Variants in JAKMIP2 observed in about 807,000 individuals in gnomAD.
JAKMIP2 encodes janus kinase and microtubule-interacting protein 2.
In JAKMIP2, 25 loss-of-function variants were observed where a neutral mutation model predicts 115.0. The ratio of observed to expected loss-of-function variants is 0.22; its 90% CI spans 0.16 to 0.30. The LOEUF (loss-of-function observed/expected upper bound fraction) is 0.30, where lower values mean the gene tolerates loss of function less well. Ranked by LOEUF, JAKMIP2 falls within the 10% of genes least tolerant of loss-of-function variation. The probability of loss-of-function intolerance (pLI) is 1.00; values close to 1 mark genes in which losing one functional copy is unlikely to be tolerated. For synonymous variants in JAKMIP2, 334 were observed against 343.6 expected, an observed-to-expected ratio of 0.97 and a Z score of 0.31; for missense variants, 642 against 957.6, an observed-to-expected ratio of 0.67 and a Z score of 4.35.
At chr5:147,702,591 AGAAAGAAAGAAG>A (rs1292651475) in intron 1 of JAKMIP2, among the ~76,000 whole-genome samples, 25 of 114,022 alleles carry the variant, frequency 2.2e-4, no homozygotes, top group Middle Eastern at 4.1e-3. Context: ...AAAGAAAGAA[AGAAAGAAAGAAG>A]GAAAGAAAGA....
intron 20 of JAKMIP2, among the ~76,000 whole-genome samples, chr5:147,604,170 G>C (rs1436007139): frequency 6.6e-6 from 1 of 152,136 alleles, no homozygotes; most frequent in African/African-American, 2.4e-5. Context: ...CAATCACTGG[G>C]AAATTTATTG....
rs541047841 is a variant in JAKMIP2 at position 147,769,950 on chromosome 5, T to G, written c.-149+12506A>C. Among the ~76,000 whole-genome samples, 61 of 152,284 alleles carry G rather than the reference T, an allele frequency of 4.0e-4. No homozygotes were observed. The Middle Eastern group carries it at 0.01, about 25-fold the overall frequency. On this transcript the variant is annotated intron_variant, in intron 1 of 21. Coordinates refer to ENST00000616793, the MANE Select transcript of JAKMIP2 (RefSeq NM_001270941.2). Reference sequence around the variant, plus strand: ...TTTTGTTAAAGATGTAAAATGCATTTTAGTAAATCTGGAAATCAGAGAACT... The same window carrying G: ...TTTTGTTAAAGATGTAAAATGCATTGTAGTAAATCTGGAAATCAGAGAACT...
At position 147,587,486 on chromosome 5, in the gene JAKMIP2, C is replaced by T. The variant is rs1399455075; in HGVS notation, c.*4221G>A. On this transcript the variant is annotated 3_prime_UTR_variant, in exon 22 of 22. Coordinates refer to ENST00000616793, the MANE Select transcript of JAKMIP2 (RefSeq NM_001270941.2). The stretch of plus-strand genomic sequence containing the variant: ...CACTCTTTGACAGATTGAAATAATG[C>T]AATTAAATATTTTAAAAATAAAATT... 1 of 151,710 alleles carries T rather than the reference C, an allele frequency of 6.6e-6. No homozygotes were observed. The highest frequency in any genetic ancestry group is 1.5e-5 in the Non-Finnish European group (1 of 67,944). 9.4% of individuals were successfully genotyped at this position (151,710 alleles called of 1,614,324 possible).
intron 3 of JAKMIP2, among the ~76,000 whole-genome samples, chr5:147,656,415 G>A (rs1443637251): frequency 6.6e-6 from 1 of 152,190 alleles, no homozygotes; most frequent in Non-Finnish European, 1.5e-5. Context: ...TCTTCTTGTT[G>A]AATTGATCCC....
Position 147,742,155 on chromosome 5 carries a change from A to ATGTATATATATATATATTTTT in JAKMIP2, c.-149+40300_-149+40301insAAAAATATATATATATATACA. ...TGTGGATCATTATATATATATATATATTTTTTTTACTATTGTATTGTATCT... is the reference window on the plus strand; with the variant it reads ...TGTGGATCATTATATATATATATATATGTATATATATATATATTTTTTTTTTTTTACTATTGTATTGTATCT... On this transcript the variant is annotated intron_variant, in intron 1 of 21. Transcript: ENST00000616793. Among the ~76,000 whole-genome samples, 52 of 108,904 alleles carry ATGTATATATATATATATTTTT rather than the reference A, an allele frequency of 4.8e-4. 3 individuals are homozygous for ATGTATATATATATATATTTTT. Among genetic ancestry groups the ATGTATATATATATATATTTTT allele is most frequent in the Middle Eastern group, 4.8e-3 (1 of 208 alleles). 71.4% of individuals were successfully genotyped at this position (108,904 alleles called of 152,430 possible). A position where few individuals can be genotyped will look rare whatever the true frequency, so the allele number is the denominator to read the frequency against.
chr5:147,649,793 C>A (rs981408212), intron 4 of JAKMIP2, among the ~76,000 whole-genome samples: 2 of 152,030 alleles, frequency 1.3e-5, no homozygotes, highest in Admixed American at 1.3e-4. Flanking sequence ...GAGTTATAGC[C>A]AACTGCATAT....
intron 20 of JAKMIP2, among the ~76,000 whole-genome samples, chr5:147,604,190 G>T (rs1238436065): frequency 1.3e-5 from 2 of 152,136 alleles, no homozygotes; most frequent in East Asian, 1.9e-4. Context: ...GTATGTTATT[G>T]TTGCCTCACT....
At chr5:147,602,802 T>C (rs1288461688) in intron 20 of JAKMIP2, among the ~76,000 whole-genome samples, 3 of 152,224 alleles carry the variant, frequency 2.0e-5, no homozygotes, top group African/African-American at 7.2e-5. Flanking sequence ...ATAAGGGTTA[T>C]GTCTGGCATT....
Position 147,590,636 on chromosome 5 carries a change from A to G in JAKMIP2, c.*1071T>C, listed in dbSNP as rs548123500. ...CCCGACTCTTGGTAGAAATTTACTC[A>G]TTGATTCTGCTGTGTTTTTGCCCAA... On this transcript the variant is annotated 3_prime_UTR_variant, in exon 22 of 22. Transcript: ENST00000616793. 1.3e-4 allele frequency: 20 copies of G among 152,196 alleles called. No homozygotes were observed. The highest frequency in any genetic ancestry group is 2.6e-4 in the Non-Finnish European group (18 of 68,020). The allele number at this position is 152,196 out of a possible 1,614,324, so 9.4% of individuals were successfully genotyped here.
chr5:147,608,338 G>T (rs989390290), intron 20 of JAKMIP2, among the ~76,000 whole-genome samples: 4 of 152,136 alleles, frequency 2.6e-5, no homozygotes, highest in African/African-American at 9.7e-5. Flanking sequence ...TCTAAACACT[G>T]TTTTAGCTGT....
Position 147,591,625 on chromosome 5 carries a change from G to T in JAKMIP2, c.*82C>A. The T allele has an allele frequency of 1.9e-6, 3 of 1,552,016 alleles. No individual in the cohort carries two copies. The highest frequency in any genetic ancestry group is 2.7e-6 in the Non-Finnish European group (3 of 1,127,988). ...CCCTCTCACTGGTGTAAACAATTTT[G>T]CCATCTTTGAAGGTTTAGAAGCACT... On this transcript the variant is annotated 3_prime_UTR_variant, in exon 22 of 22. Transcript: ENST00000616793.
intron 16 of JAKMIP2, among the ~76,000 whole-genome samples, chr5:147,624,221 C>T (rs1240223291): frequency 2.6e-5 from 4 of 152,176 alleles, no homozygotes; most frequent in African/African-American, 7.2e-5. Flanking sequence ...TTATGGATGA[C>T]TAGCAAGTGT....
chr5:147,724,409 G>A (rs149020017), intron 1 of JAKMIP2, among the ~76,000 whole-genome samples: 42 of 152,184 alleles, frequency 2.8e-4, no homozygotes, highest in Non-Finnish European at 5.6e-4. Flanking sequence ...ATCTTCTTAC[G>A]TCTTTCTTGC....
chr5:147,639,480 G>A (rs899945108), intron 10 of JAKMIP2, 152 bp downstream of exon 10: 2 of 824,242 alleles, frequency 2.4e-6, no homozygotes. Context: ...TAGAGTCAAG[G>A]TTTGTTGACA....
At chr5:147,613,149 T>G (rs1756410936) in intron 19 of JAKMIP2, among the ~76,000 whole-genome samples, 2 of 152,210 alleles carry the variant, frequency 1.3e-5, no homozygotes, top group South Asian at 2.1e-4. Context: ...ACACCGAATA[T>G]TTGAAATCAA....
At chr5:147,768,321 A>G (rs1159795305) in intron 1 of JAKMIP2, among the ~76,000 whole-genome samples, 5 of 152,060 alleles carry the variant, frequency 3.3e-5, no homozygotes, top group African/African-American at 1.2e-4. Context: ...CCTACTCACT[A>G]CTTACTCCCC....
rs1217464335 is a variant in JAKMIP2, at chr5:147,586,959, G to C, written c.*4748C>G. The C allele has an allele frequency of 6.6e-6, 1 of 152,012 alleles. No individual in the cohort carries two copies. Among genetic ancestry groups the C allele is most frequent in the Non-Finnish European group, 1.5e-5 (1 of 68,024 alleles). The allele number at this position is 152,012 out of a possible 1,614,324, so 9.4% of individuals were successfully genotyped here. ...CAAACTAATGACAGCAAAGGATTGT[G>C]AATCTGCCCTGCCCCATTCTGAAAT... On this transcript the variant is annotated 3_prime_UTR_variant, in exon 22 of 22. Coordinates refer to ENST00000616793, the MANE Select transcript of JAKMIP2 (RefSeq NM_001270941.2).
intron 16 of JAKMIP2, among the ~76,000 whole-genome samples, chr5:147,625,854 C>T (rs1468455330): frequency 6.6e-6 from 1 of 152,156 alleles, no homozygotes; most frequent in East Asian, 1.9e-4. Flanking sequence ...TACCTGTACT[C>T]CGTAAATTTA....
Position 147,621,525 on chromosome 5 carries a change from G to A in JAKMIP2, c.2065-782C>T, listed in dbSNP as rs142253018. Among the ~76,000 whole-genome samples, 230 of 152,276 alleles carry A rather than the reference G, an allele frequency of 1.5e-3. 1 individual carries two copies. The highest frequency in any genetic ancestry group is 5.4e-3 in the African/African-American group (225 of 41,544). Reference sequence around the variant, plus strand: ...GCTGTTGACTTTGCTGGTGACTGCTGAATTCCAGTACCTAGAACAGTGCCT... The same window carrying A: ...GCTGTTGACTTTGCTGGTGACTGCTAAATTCCAGTACCTAGAACAGTGCCT... On this transcript the variant is annotated intron_variant, in intron 17 of 21. Transcript: ENST00000616793.
Sources: gnomAD v4.1 joint callset for allele counts (sites outside exome capture counted in the v4.1 genomes callset) on GRCh38, gnomAD v4.1.1 for gene constraint, MANE v1.5 for transcripts, NCBI Gene and HGNC (gene_info 2026-07-23, HGNC 2026-07-21) for gene names.